The following NFIC variants were observed in gnomAD, a reference collection of about 807,000 sequenced individuals.
The protein encoded by NFIC is nuclear factor 1 C-type.
In NFIC, 12 loss-of-function variants were observed where a neutral mutation model predicts 54.4. The observed-to-expected ratio is 0.22, with a 90% CI of 0.14 to 0.36. NFIC has a LOEUF of 0.36. NFIC is among the 10% of genes least tolerant of loss of function. The pLI is 1.00. For missense variants in NFIC, 575 were observed against 718.2 expected (o/e 0.80, Z 2.28); for synonymous variants, 322 against 319.2 (o/e 1.01, Z -0.09).
At chr19:3,421,682 T>C (rs1365692941) in intron 2 of NFIC, among the ~76,000 whole-genome samples, 1 of 152,228 alleles carries the variant, frequency 6.6e-6, no homozygotes, top group Non-Finnish European at 1.5e-5. Context: ...ACACGGTGTG[T>C]GCATAGCCAT....
At chr19:3,363,267 ATATTT>A (rs1439279697), upstream of NFIC, among the ~76,000 whole-genome samples, 725 of 46,900 alleles carry the variant, frequency 0.015, 12 homozygotes, top group East Asian at 0.096. Context: ...ATATATATAT[ATATTT>A]TTTTTTTTTT....
chr19:3,422,514 G>A (rs1409717739), intron 2 of NFIC, among the ~76,000 whole-genome samples: 2 of 151,252 alleles, frequency 1.3e-5, no homozygotes, highest in East Asian at 2.0e-4. Flanking sequence ...TCAGGAGATC[G>A]AGACCATCCT....
At chr19:3,359,861 C>T (rs1568389692) in intron 1 of NFIC, among the ~76,000 whole-genome samples, 1 of 150,688 alleles carries the variant, frequency 6.6e-6, no homozygotes, top group African/African-American at 2.4e-5. Context: ...ACGATCCCCC[C>T]CCGCACCCCG....
At chr19:3,424,971 G>C in intron 2 of NFIC, 135 bp from the exon 3 acceptor site, 2 of 827,378 alleles carry the variant, frequency 2.4e-6, no homozygotes, top group South Asian at 3.5e-5. Context: ...CCAGGGCCTG[G>C]GTGTGTTTTG....
chr19:3,422,294 G>C (rs948628047), intron 2 of NFIC, among the ~76,000 whole-genome samples: 1 of 151,136 alleles, frequency 6.6e-6, no homozygotes, highest in African/African-American at 2.4e-5. Flanking sequence ...GGCTGGTCTC[G>C]AACTCCTGGC....
At chr19:3,451,071 A>G (rs2082455179) in intron 7 of NFIC, among the ~76,000 whole-genome samples, 1 of 152,198 alleles carries the variant, frequency 6.6e-6, no homozygotes, top group Non-Finnish European at 1.5e-5. Flanking sequence ...AATACTAAAA[A>G]TCACTGAACT....
chr19:3,376,537 G>C (rs535270690), intron 1 of NFIC, among the ~76,000 whole-genome samples: 1 of 150,876 alleles, frequency 6.6e-6, no homozygotes, highest in Non-Finnish European at 1.5e-5. Context: ...GTTTGAGACC[G>C]GCCAAGGCAA....
intron 2 of NFIC, among the ~76,000 whole-genome samples, chr19:3,385,851 C>T (rs1173504737): frequency 6.6e-6 from 1 of 151,872 alleles, no homozygotes; most frequent in African/African-American, 2.4e-5. Context: ...GGATTACAGG[C>T]GTGAGCCACT....
At position 3,456,443 on chromosome 19, in the gene NFIC, G is replaced by A. The variant is rs1187085647; in HGVS notation, c.1424-107G>A. 4.6e-6 allele frequency: 5 copies of A among 1,079,208 alleles called. No individual in the cohort carries two copies. In the Admixed American group the frequency reaches 8.4e-5, roughly 18 times the overall value. 66.9% of individuals were successfully genotyped at this position (1,079,208 alleles called of 1,614,324 possible). On this transcript the variant is annotated intron_variant, in intron 9 of 10. Transcript: ENST00000443272. ...GGAGGCCCCAGGCACTGGGTGCAGA[G>A]GCCCGGCTGTGTGACGCCTGGCGGT...
At chr19:3,414,776 G>A (rs1018437779) in intron 2 of NFIC, among the ~76,000 whole-genome samples, 4 of 151,940 alleles carry the variant, frequency 2.6e-5, no homozygotes, top group African/African-American at 7.3e-5. Flanking sequence ...TGCAAACCCC[G>A]ACTCTGTGAT....
chr19:3,438,180 C>T (rs1226992061), intron 6 of NFIC, among the ~76,000 whole-genome samples: 3 of 152,110 alleles, frequency 2.0e-5, no homozygotes, highest in East Asian at 1.9e-4. Flanking sequence ...ACAGAGAAAA[C>T]TCAAAAAGAA....
chr19:3,422,097 C>T (rs1304384756), intron 2 of NFIC, among the ~76,000 whole-genome samples: 1 of 151,986 alleles, frequency 6.6e-6, no homozygotes, highest in Non-Finnish European at 1.5e-5. Flanking sequence ...CCACCATGCC[C>T]GGCTAATTTT....
intron 4 of NFIC, among the ~76,000 whole-genome samples, 170 bp from the exon 5 acceptor site, chr19:3,434,107 G>C (rs1211085329): frequency 6.6e-6 from 1 of 152,146 alleles, no homozygotes; most frequent in Non-Finnish European, 1.5e-5. Flanking sequence ...CCATGGCCTT[G>C]GTCCTCTGAT....
intron 1 of NFIC, chr19:3,371,322 T>TA (rs2081005188): frequency 1.0e-5 from 1 of 96,016 alleles, no homozygotes; most frequent in East Asian, 5.4e-4. Context: ...GGCAGCACAA[T>TA]TTTTTTTTTT....
chr19:3,385,037 CCT>C (rs2081272166), intron 2 of NFIC, among the ~76,000 whole-genome samples: 1 of 150,832 alleles, frequency 6.6e-6, no homozygotes, highest in African/African-American at 2.4e-5. Context: ...GCCCCTCCCG[CCT>C]CTGCTCAGCA....
chr19:3,366,750 A>ACGAAAAAGG (rs1162416367), intron 1 of NFIC, 84 bp downstream of exon 1: 1 of 965,446 alleles, frequency 1.0e-6, no homozygotes, highest in Admixed American at 4.4e-5. Context: ...AGGAGGCGGG[A>ACGAAAAAGG]CGAAAAAGGC....
intron 5 of NFIC, 111 bp downstream of exon 5, chr19:3,434,511 C>A: frequency 7.0e-7 from 1 of 1,425,686 alleles, no homozygotes; most frequent in South Asian, 1.4e-5. Flanking sequence ...TTTCACGATT[C>A]ACCTGGCCTG....
intron 5 of NFIC, among the ~76,000 whole-genome samples, 185 bp downstream of exon 5, chr19:3,434,585 C>G (rs2145631240): frequency 6.6e-6 from 1 of 152,260 alleles, no homozygotes; most frequent in Middle Eastern, 3.4e-3. Context: ...TCCCCTAGCC[C>G]TGACAGCCCA....
intron 10 of NFIC, among the ~76,000 whole-genome samples, chr19:3,461,007 C>A (rs2082630402): frequency 6.6e-6 from 1 of 151,990 alleles, no homozygotes; most frequent in East Asian, 2.0e-4. Flanking sequence ...TGCGTGTAAT[C>A]CTAGCTACTC....
Sources: gnomAD v4.1 joint callset for allele counts (sites outside exome capture counted in the v4.1 genomes callset) on GRCh38, gnomAD v4.1.1 for gene constraint, MANE v1.5 for transcripts, NCBI Gene and HGNC (gene_info 2026-07-23, HGNC 2026-07-21) for gene names.